The following SSBP4 variants were observed in gnomAD, a reference collection of about 807,000 sequenced individuals.
The protein encoded by SSBP4 is single stranded DNA binding protein 4, also known as single-stranded DNA-binding protein 4.
Under a neutral mutation model 64.6 loss-of-function variants are expected in SSBP4, and 33 were observed. The ratio of observed to expected loss-of-function variants is 0.51; its 90% CI spans 0.39 to 0.68. SSBP4 has a LOEUF of 0.68. Among genes scored for constraint, SSBP4 ranks in the 30% least tolerant of loss-of-function variants. The probability of loss-of-function intolerance (pLI) is 0.00; values close to 1 mark genes in which losing one functional copy is unlikely to be tolerated. For missense variants in SSBP4, 583 were observed against 566.8 expected (o/e 1.03, Z -0.29); for synonymous variants, 243 against 224.0 (o/e 1.08, Z -0.76).
the SSBP4 span, among the ~76,000 whole-genome samples, chr19:18,409,772 G>A: frequency 2.6e-5 from 4 of 152,006 alleles, no homozygotes; most frequent in East Asian, 1.9e-4. Flanking sequence ...CTCCCTCCTC[G>A]GCCTCCCAAA....
chr19:18,406,627 C>T, the SSBP4 span, among the ~76,000 whole-genome samples: 4 of 151,706 alleles, frequency 2.6e-5, no homozygotes, highest in African/African-American at 9.7e-5. Flanking sequence ...CAGCCTGGGC[C>T]ACAGAGTGAG....
Position 18,423,614 on chromosome 19 carries a change from G to A in SSBP4, c.60-3737G>A, listed in dbSNP as rs370197187. 1.6e-4 allele frequency among the ~76,000 whole-genome samples: 24 copies of A among 152,282 alleles called. No individual in the cohort carries two copies. The East Asian group carries it at 2.9e-3, about 18-fold the overall frequency. On this transcript the variant is annotated intron_variant, in intron 1 of 17. Coordinates refer to ENST00000270061, the MANE Select transcript of SSBP4 (RefSeq NM_032627.5). The surrounding 1 kb of genome is among the most constrained non-coding windows in gnomAD (Gnocchi z 4.0). ...CCATTCTGGGTAATTATGGTAACTC[G>A]CGTCATTACGGTGGTAGCTGTGGTA...
At chr19:18,408,286 C>T in the SSBP4 span, among the ~76,000 whole-genome samples, 1 of 152,126 alleles carries the variant, frequency 6.6e-6, no homozygotes, top group Non-Finnish European at 1.5e-5. Flanking sequence ...CTCCCTCCAC[C>T]CTCAGGTAGG....
rs367713886 is a variant in SSBP4 at position 18,430,693 on chromosome 19, C to G, written c.280-148C>G. On this transcript the variant is annotated intron_variant, in intron 4 of 17. Coordinates refer to ENST00000270061, the MANE Select transcript of SSBP4 (RefSeq NM_032627.5). ...TACAGGGTCTTCAGACCCACAGATC[C>G]TCAGGCCGACAACCCCAGTGTGCTC... is the stretch of plus-strand genomic sequence containing the variant. The G allele has an allele frequency of 4.2e-4, 267 of 642,176 alleles. 2 individuals are homozygous for G. The East Asian group carries it at 4.3e-3, about 10-fold the overall frequency. 39.8% of individuals were successfully genotyped at this position (642,176 alleles called of 1,614,324 possible).
At chr19:18,418,227 G>A (rs968393501), upstream of SSBP4, among the ~76,000 whole-genome samples, 1 of 152,180 alleles carries the variant, frequency 6.6e-6, no homozygotes, top group Non-Finnish European at 1.5e-5. The surrounding 1 kb of genome is among the most constrained non-coding windows in gnomAD (Gnocchi z 6.7). Context: ...CACGGGAGCC[G>A]CGTGTTTGCA....
the SSBP4 span, among the ~76,000 whole-genome samples, chr19:18,412,160 C>G: frequency 6.7e-6 from 1 of 149,668 alleles, no homozygotes; most frequent in African/African-American, 2.5e-5. Context: ...GTGAGACTGT[C>G]TCTAAAAAAA....
the SSBP4 span, among the ~76,000 whole-genome samples, chr19:18,403,047 T>C: frequency 6.6e-6 from 1 of 152,232 alleles, no homozygotes; most frequent in African/African-American, 2.4e-5. Flanking sequence ...AAAACCGCCC[T>C]ATGGCGGGAG....
intron 4 of SSBP4, 74 bp downstream of exon 4, chr19:18,428,056 T>TGGGGGGGGGGTGGGGGGGG: frequency 2.9e-5 from 13 of 444,204 alleles, no homozygotes; most frequent in Middle Eastern, 4.3e-4. Context: ...GGAGGTGGGG[T>TGGGGGGGGGGTGGGGGGGG]GGGGGGCTGC....
chr19:18,409,060 C>T, the SSBP4 span, among the ~76,000 whole-genome samples: 24 of 151,052 alleles, frequency 1.6e-4, no homozygotes, highest in East Asian at 4.5e-3. Context: ...ACGATCCTCC[C>T]GTCTTGCCCT....
intron 1 of SSBP4, among the ~76,000 whole-genome samples, chr19:18,424,251 A>T (rs1393548855): frequency 6.6e-6 from 1 of 152,150 alleles, no homozygotes; most frequent in South Asian, 2.1e-4. Flanking sequence ...GGTTCGCCTA[A>T]TCCTCCCGGC....
rs752753814 is a variant in SSBP4 at position 18,434,221 on chromosome 19, C to A, written c.1133C>A (p.Ser378Ter). The A allele has an allele frequency of 6.2e-7, 1 of 1,611,984 alleles. No homozygotes were observed. Among genetic ancestry groups the A allele is most frequent in the Non-Finnish European group, 8.5e-7 (1 of 1,179,614 alleles). Residue 378 changes from serine to a stop codon, truncating the protein, a stop_gained, in exon 18 of 18, where the codon TCG becomes TAG. Transcript: ENST00000270061. LOFTEE classifies it high-confidence loss of function. ...TGCCCCCTCCTCTCTCCGCAGTACT[C>A]GCCAGGGATGACCATGAGCGTGTGA... is the stretch of plus-strand genomic sequence containing the variant. ...FLHPFPSESY[S>*]PGMTMSV
chr19:18,431,967 G>A lies in SSBP4; in HGVS notation c.566-33G>A, dbSNP rs769063266. The A allele has an allele frequency of 2.4e-5, 37 of 1,552,316 alleles. No individual in the cohort carries two copies. In the East Asian group the frequency reaches 7.7e-4, roughly 32 times the overall value. ...ACTGTCCACACTGGGGAATGGTCCA[G>A]GTCCAAGTCCCCTTCCTTCTGCCCC... On this transcript the variant is annotated intron_variant, in intron 8 of 17. Transcript: ENST00000270061.
the SSBP4 span, among the ~76,000 whole-genome samples, chr19:18,407,349 T>C: frequency 6.6e-6 from 1 of 151,886 alleles, no homozygotes; most frequent in Admixed American, 6.6e-5. Context: ...AAAGCATGAC[T>C]TTTTAATAAC....
At position 18,427,710 on chromosome 19, in the gene SSBP4, G is replaced by C; in HGVS notation, c.133-42G>C. 6.5e-7 allele frequency: 1 copy of C among 1,548,146 alleles called. No homozygotes were observed. Among genetic ancestry groups the C allele is most frequent in the South Asian group, 1.2e-5 (1 of 81,308 alleles). ...GCACCCTGCTGGGTGGTGGGGCAGG[G>C]TCAGGTAGGGCCACCCCCTCACCAC... On this transcript the variant is annotated intron_variant, in intron 2 of 17. Transcript: ENST00000270061. The surrounding 1 kb of genome is among the most constrained non-coding windows in gnomAD (Gnocchi z 4.4).
Position 18,427,534 on chromosome 19 carries a change from G to A in SSBP4, c.132+111G>A. ...CCGCGTTGCCCCTCTGATGGCCCTG[G>A]GAACTGAGGGCTCTGCAGGGTCCAG... On this transcript the variant is annotated intron_variant, in intron 2 of 17. Transcript: ENST00000270061. The surrounding 1 kb of genome is among the most constrained non-coding windows in gnomAD (Gnocchi z 4.4). 1 of 1,372,104 alleles carries A rather than the reference G, an allele frequency of 7.3e-7. No individual in the cohort carries two copies. The allele number at this position is 1,372,104 out of a possible 1,614,324, so 85.0% of individuals were successfully genotyped here. A position where few individuals can be genotyped will look rare whatever the true frequency, so the allele number is the denominator to read the frequency against.
intron 17 of SSBP4, 173 bp from the exon 18 acceptor site, chr19:18,434,044 G>A: frequency 6.1e-6 from 6 of 978,182 alleles, no homozygotes; most frequent in Non-Finnish European, 6.0e-6. Context: ...CCCGGGACCC[G>A]CGCCCCAGGG....
At chr19:18,411,494 T>A in the SSBP4 span, among the ~76,000 whole-genome samples, 1 of 150,440 alleles carries the variant, frequency 6.6e-6, no homozygotes, top group Non-Finnish European at 1.5e-5. Context: ...GACTTCGTCT[T>A]AAAGAAAAAA....
the SSBP4 span, among the ~76,000 whole-genome samples, chr19:18,411,110 T>C: frequency 1.3e-5 from 2 of 151,522 alleles, no homozygotes; most frequent in African/African-American, 4.9e-5. Context: ...CCCCCTTCTC[T>C]ACAAAAGAAA....
chr19:18,419,218 C>G (rs1451100103), upstream of SSBP4: 4 of 987,552 alleles, frequency 4.1e-6, no homozygotes, highest in Non-Finnish European at 4.8e-6. Context: ...GGGTGGCCGT[C>G]CGGGATCCTG....
Sources: gnomAD v4.1 joint callset for allele counts (sites outside exome capture counted in the v4.1 genomes callset) on GRCh38, gnomAD v4.1.1 for gene constraint, Gnocchi (gnomAD v3.1) non-coding constraint, MANE v1.5 for transcripts, NCBI Gene and HGNC (gene_info 2026-07-23, HGNC 2026-07-21) for gene names.